The following EYS variants were observed in gnomAD, a reference collection of about 807,000 sequenced individuals.
EYS encodes the protein EGF-like photoreceptor maintenance factor.
In EYS, 250 loss-of-function variants were observed where a neutral mutation model predicts 282.1. The ratio of observed to expected loss-of-function variants is 0.89; its 90% CI spans 0.80 to 0.98. EYS has a LOEUF of 0.98. Ranked by LOEUF, EYS falls within the 50% of genes least tolerant of loss-of-function variation. The pLI, the probability that EYS is intolerant of heterozygous loss-of-function variation, is 0.00. For missense variants in EYS, 4,016 were observed against 3,709.0 expected, an observed-to-expected ratio of 1.08 and a Z score of -2.15; for synonymous variants, 1,355 against 1,282.9, an observed-to-expected ratio of 1.06 and a Z score of -1.20.
rs1314381547 is a variant in EYS, at chr6:64,590,548, A to G, written c.5319T>C (p.Asn1773=). The change falls in exon 26 of 43, where the codon AAT becomes AAC. Residue 1773 remains asparagine (N), a synonymous_variant. Transcript: ENST00000503581. ...EITHANDFKN[N]LPPLTGSVPD... ...GCACTGAGCCTGTCAATGGTGGCAG[A>G]TTATTTTTGAAGTCATTTGCATGTG... 4.5e-6 allele frequency: 7 copies of G among 1,551,366 alleles called. No homozygotes were observed. The South Asian group carries it at 8.3e-5, about 18-fold the overall frequency.
intron 36 of EYS, among the ~76,000 whole-genome samples, chr6:63,846,122 T>C (rs1307803536): frequency 6.6e-6 from 1 of 152,166 alleles, no homozygotes; most frequent in African/African-American, 2.4e-5. Flanking sequence ...TTCCTAAACA[T>C]TGTATTTTTA....
At chr6:65,366,275 T>A (rs1411072238) in intron 8 of EYS, among the ~76,000 whole-genome samples, 2 of 151,726 alleles carry the variant, frequency 1.3e-5, no homozygotes, top group African/African-American at 2.4e-5. Flanking sequence ...GACAAATGGA[T>A]CTGCTAAACG....
At chr6:64,133,476 TCACACACACACACACACACACA>T (rs61088369) in intron 31 of EYS, among the ~76,000 whole-genome samples, 1 of 142,354 alleles carries the variant, frequency 7.0e-6, no homozygotes, top group Admixed American at 7.1e-5. Context: ...TTGCATTACT[TCACACACACACACACACACACA>T]CACACACACA....
rs1418520586 is a variant in EYS, at chr6:65,405,313, C to G, written c.917G>C (p.Arg306Thr). Reference sequence around the variant, plus strand: ...AGAACTGCTATTTGGGCAAATTCCTCTTTTCCAAAAAAGCAGAGAAACACA... The same window carrying G: ...AGAACTGCTATTTGGGCAAATTCCTGTTTTCCAAAAAAGCAGAGAAACACA... ...KPCVSLLFWK[R>T]GICPNSSSAY... The change falls in exon 6 of 43, where the codon AGA becomes ACA. Residue 306 changes from arginine to threonine, a missense_variant. Arg to Thr is a moderately conservative substitution (Grantham distance 71). Transcript: ENST00000503581. 5 of 1,612,542 alleles carry G rather than the reference C, an allele frequency of 3.1e-6. No homozygotes were observed. The African/African-American group carries it at 6.7e-5, about 22-fold the overall frequency.
At chr6:64,284,082 C>G (rs556281754) in intron 30 of EYS, among the ~76,000 whole-genome samples, 1 of 152,238 alleles carries the variant, frequency 6.6e-6, no homozygotes, top group South Asian at 2.1e-4. Context: ...CCCAACAGTC[C>G]CCCAAAGTGT....
intron 7 of EYS, among the ~76,000 whole-genome samples, chr6:65,398,921 A>C (rs1184649221): frequency 6.6e-6 from 1 of 152,104 alleles, no homozygotes; most frequent in Non-Finnish European, 1.5e-5. Flanking sequence ...AATTGAGCAA[A>C]CAACCTTAGA....
At chr6:63,970,374 G>GC (rs1354463526) in intron 35 of EYS, among the ~76,000 whole-genome samples, 1 of 152,078 alleles carries the variant, frequency 6.6e-6, no homozygotes, top group Admixed American at 6.6e-5. Context: ...AGTGGCTCAC[G>GC]CCTGTAATCC....
chr6:65,249,701 C>T (rs1029242887), intron 12 of EYS, among the ~76,000 whole-genome samples: 1 of 151,958 alleles, frequency 6.6e-6, no homozygotes, highest in Admixed American at 6.6e-5. Context: ...GTGTGAAACA[C>T]TTTTTTCTTT....
intron 11 of EYS, among the ~76,000 whole-genome samples, chr6:65,322,624 G>A (rs150133086): frequency 0.015 from 2,253 of 151,684 alleles, 42 homozygotes; most frequent in African/African-American, 0.052. Context: ...GTGAAATCCC[G>A]TCTCTACTAA....
At chr6:64,563,442 T>G (rs961541210) in intron 26 of EYS, among the ~76,000 whole-genome samples, 1 of 152,102 alleles carries the variant, frequency 6.6e-6, no homozygotes, top group Non-Finnish European at 1.5e-5. Context: ...AAATCTCATG[T>G]ATTCAAAATT....
chr6:64,952,657 A>G lies in EYS; in HGVS notation c.2260-6743T>C, dbSNP rs182900574. 5.9e-5 allele frequency among the ~76,000 whole-genome samples: 9 copies of G among 152,128 alleles called. 2 individuals are homozygous for G. The highest frequency in any genetic ancestry group is 2.2e-4 in the African/African-American group (9 of 41,552). The stretch of plus-strand genomic sequence containing the variant: ...CTGCAAATGTCAAAACAAGTGCCAC[A>G]TAGTACCTGAAGCTTTGATAATTTC... On this transcript the variant is annotated intron_variant, in intron 14 of 42. Coordinates refer to ENST00000503581, the MANE Select transcript of EYS (RefSeq NM_001142800.2).
Position 65,523,663 on chromosome 6 carries a change from T to C in EYS, c.-332-27670A>G, listed in dbSNP as rs1582412693. The stretch of plus-strand genomic sequence containing the variant: ...AAAATTGTGTTGTATACGCTAAATA[T>C]GCCCAATTTTATTAAAAATAACTTT... On this transcript the variant is annotated intron_variant, in intron 2 of 42. Coordinates refer to ENST00000503581, the MANE Select transcript of EYS (RefSeq NM_001142800.2). Among the ~76,000 whole-genome samples the C allele has an allele frequency of 2.0e-5, 3 of 152,262 alleles. No individual in the cohort carries two copies. In the South Asian group the frequency reaches 6.2e-4, roughly 32 times the overall value.
chr6:65,698,631 G>T (rs1465905260), intron 1 of EYS, among the ~76,000 whole-genome samples: 2 of 152,018 alleles, frequency 1.3e-5, no homozygotes, highest in African/African-American at 4.8e-5. Flanking sequence ...CCACAGCTGT[G>T]GTGTGCACTA....
chr6:64,186,386 G>A (rs1296072738), intron 31 of EYS, among the ~76,000 whole-genome samples: 1 of 151,930 alleles, frequency 6.6e-6, no homozygotes, highest in African/African-American at 2.4e-5. Context: ...CAACTTCTTT[G>A]TTACATTAAG....
intron 1 of EYS, among the ~76,000 whole-genome samples, chr6:65,656,467 G>A (rs1391917557): frequency 3.3e-5 from 5 of 151,868 alleles, no homozygotes; most frequent in African/African-American, 9.7e-5. Context: ...GCTTATGGCT[G>A]TGTGATCTGG....
chr6:65,218,404 C>A (rs1485234720), intron 12 of EYS, among the ~76,000 whole-genome samples: 1 of 151,998 alleles, frequency 6.6e-6, no homozygotes, highest in South Asian at 2.1e-4. Context: ...TTTTGTGATA[C>A]CTCACTGAGG....
chr6:64,891,414 G>A (rs557309314), intron 18 of EYS, among the ~76,000 whole-genome samples: 12 of 151,548 alleles, frequency 7.9e-5, no homozygotes, highest in Admixed American at 5.9e-4. Context: ...CTCTCTTCCC[G>A]CTCCCTGTGT....
intron 31 of EYS, among the ~76,000 whole-genome samples, chr6:64,110,499 GTGAAGATGCCTGTA>G (rs937631313): frequency 3.3e-5 from 5 of 151,996 alleles, no homozygotes; most frequent in Non-Finnish European, 7.4e-5. Context: ...AGACATCAGA[GTGAAGATGCCTGTA>G]TGGTGTTTGT....
chr6:64,650,988 C>CA (rs779054099), intron 22 of EYS, among the ~76,000 whole-genome samples: 12 of 152,032 alleles, frequency 7.9e-5, no homozygotes, highest in Non-Finnish European at 1.8e-4. Flanking sequence ...TATTGTCTGG[C>CA]AACTCCTTAA....
Sources: gnomAD v4.1 joint callset for allele counts (sites outside exome capture counted in the v4.1 genomes callset) on GRCh38, gnomAD v4.1.1 for gene constraint, MANE v1.5 for transcripts, NCBI Gene and HGNC (gene_info 2026-07-23, HGNC 2026-07-21) for gene names.